KMT2C: variants seen among roughly 807,000 people sequenced by gnomAD.
KMT2C encodes the protein histone-lysine N-methyltransferase 2C.
Under a neutral mutation model 507.9 loss-of-function variants are expected in KMT2C, and 88 were observed. The ratio of observed to expected loss-of-function variants is 0.17; its 90% CI spans 0.15 to 0.21. The LOEUF (loss-of-function observed/expected upper bound fraction) is 0.21. Among genes scored for constraint, KMT2C ranks in the 10% least tolerant of loss-of-function variants. The pLI is 1.00. For synonymous variants in KMT2C, 2,049 were observed against 2,080.8 expected, an observed-to-expected ratio of 0.98 and a Z score of 0.42; for missense variants, 4,954 against 5,957.8, an observed-to-expected ratio of 0.83 and a Z score of 5.55.
At chr7:152,257,175 TA>T (rs2095674461) in intron 9 of KMT2C, among the ~76,000 whole-genome samples, 1 of 152,172 alleles carries the variant, frequency 6.6e-6, no homozygotes, top group African/African-American at 2.4e-5. Flanking sequence ...TGCAGCTGTT[TA>T]AAAGGAGAAT....
intron 2 of KMT2C, among the ~76,000 whole-genome samples, chr7:152,356,349 C>A (rs1042912586): frequency 6.6e-6 from 1 of 151,696 alleles, no homozygotes; most frequent in Non-Finnish European, 1.5e-5. Context: ...CCAAGGTGGG[C>A]GGATCACGTG....
Position 152,162,808 on chromosome 7 carries a change from A to G in KMT2C, c.10769T>C (p.Ile3590Thr). The change falls in exon 43 of 59, where the codon ATT (isoleucine) becomes ACT (threonine). Residue 3590 changes from isoleucine (I) to threonine (T), a missense_variant. This residue lies in a region of KMT2C where 801 missense variants were observed against 751.2 expected (regional missense o/e 1.07). Coordinates refer to ENST00000262189, the MANE Select transcript of KMT2C (RefSeq NM_170606.3). ...HSYPGSTQSL[I>T]QLYSDIIPEE... ...TGGGATTATATCAGAATACAACTGA[A>G]TGAGCGATTGGGTTGATCCCGGATA... is the stretch of plus-strand genomic sequence containing the variant. 1 of 1,614,180 alleles carries G rather than the reference A, an allele frequency of 6.2e-7. No individual in the cohort carries two copies.
At chr7:152,267,390 A>C (rs1307861842) in intron 7 of KMT2C, among the ~76,000 whole-genome samples, 4 of 152,238 alleles carry the variant, frequency 2.6e-5, no homozygotes, top group South Asian at 4.1e-4. Context: ...TCTCAAGAAT[A>C]GATAAAGGCA....
rs762784550 is a variant in KMT2C at position 152,187,805 on chromosome 7, G to A, written c.4703C>T (p.Ser1568Phe). ...RMPLMNGLIG[S>F]SPHLPHNSLP... ...AGAATTATGTGGGAGATGAGGACTGGATCCAATAAGGCCATTCATGAGAGG... is the reference window on the plus strand; with the variant it reads ...AGAATTATGTGGGAGATGAGGACTGAATCCAATAAGGCCATTCATGAGAGG... Residue 1568 changes from serine to phenylalanine, a missense_variant, in exon 32 of 59, where the codon TCC (serine) becomes TTC (phenylalanine). Ser to Phe is a radical substitution (Grantham distance 155). Transcript: ENST00000262189. The A allele has an allele frequency of 1.9e-6, 3 of 1,613,944 alleles. No homozygotes were observed. The highest frequency in any genetic ancestry group is 2.5e-6 in the Non-Finnish European group (3 of 1,179,892).
intron 1 of KMT2C, among the ~76,000 whole-genome samples, chr7:152,384,459 A>G (rs867731170): frequency 3.3e-5 from 5 of 151,994 alleles, no homozygotes; most frequent in Admixed American, 1.3e-4. Context: ...ACTGCTACTC[A>G]ACCTTCAAAA....
chr7:152,352,725 A>G (rs1162668559), intron 2 of KMT2C, among the ~76,000 whole-genome samples: 2 of 152,178 alleles, frequency 1.3e-5, no homozygotes, highest in African/African-American at 4.8e-5. Flanking sequence ...CCCTAATACT[A>G]TTCTCCACTA....
At chr7:152,265,385 T>C (rs570640471) in intron 7 of KMT2C, among the ~76,000 whole-genome samples, 176 bp from the exon 8 acceptor site, 4 of 152,358 alleles carry the variant, frequency 2.6e-5, no homozygotes, top group Admixed American at 6.5e-5. Flanking sequence ...GTAGGGTATT[T>C]AATCTAAATG....
chr7:152,375,868 C>G (rs1473953955), intron 1 of KMT2C, among the ~76,000 whole-genome samples: 5 of 151,958 alleles, frequency 3.3e-5, no homozygotes, highest in Non-Finnish European at 2.9e-5. Context: ...GTTCTGTCAC[C>G]CAGGCTGGAG....
chr7:152,297,057 G>GAAAGAC (rs756980169), intron 6 of KMT2C, among the ~76,000 whole-genome samples: 1,323 of 90,200 alleles, frequency 0.015, 4 homozygotes, highest in Admixed American at 0.021. Flanking sequence ...AAGAAAGACA[G>GAAAGAC]AGAGAGAGAG....
At chr7:152,145,697 A>G (rs199749857) in intron 53 of KMT2C, among the ~76,000 whole-genome samples, 2 of 152,174 alleles carry the variant, frequency 1.3e-5, no homozygotes, top group East Asian at 3.8e-4. Flanking sequence ...TCTGTCTGGA[A>G]TTTTACAATT....
chr7:152,226,466 A>C (rs1311948747), intron 18 of KMT2C, among the ~76,000 whole-genome samples: 1 of 152,054 alleles, frequency 6.6e-6, no homozygotes, highest in African/African-American at 2.4e-5. Context: ...TCCTGCCCTC[A>C]AGTGATCCAC....
intron 6 of KMT2C, among the ~76,000 whole-genome samples, chr7:152,301,490 A>C (rs2096567838): frequency 6.6e-6 from 1 of 152,002 alleles, no homozygotes; most frequent in Admixed American, 6.6e-5. Flanking sequence ...GCCCGCTGAC[A>C]GTGTGAGACT....
In KMT2C at chr7:152,234,195, T is replaced by C. The variant is rs1457787507; in HGVS notation, c.2769+1622A>G. Among the ~76,000 whole-genome samples the C allele has an allele frequency of 2.0e-5, 3 of 151,530 alleles. No homozygotes were observed. In the South Asian group the frequency reaches 6.3e-4, roughly 32 times the overall value. On this transcript the variant is annotated intron_variant, in intron 16 of 58. Transcript: ENST00000262189. Reference sequence around the variant, plus strand: ...GAGTTCGAGACCAGCCTGGCCAACATGGTGAAAAACTGTCTCTACTAAAAA... The same window carrying C: ...GAGTTCGAGACCAGCCTGGCCAACACGGTGAAAAACTGTCTCTACTAAAAA...
At chr7:152,380,494 G>A (rs1317293435) in intron 1 of KMT2C, among the ~76,000 whole-genome samples, 2 of 151,830 alleles carry the variant, frequency 1.3e-5, no homozygotes, top group Non-Finnish European at 2.9e-5. Context: ...CTTGAACCCG[G>A]GAGGCAGAGG....
intron 6 of KMT2C, among the ~76,000 whole-genome samples, chr7:152,303,192 A>G (rs1429019486): frequency 6.6e-6 from 1 of 152,240 alleles, no homozygotes; most frequent in South Asian, 2.1e-4. Context: ...AATCTGAGGT[A>G]TGTTTCAGAG....
chr7:152,204,235 T>C (rs1032562259), intron 25 of KMT2C, among the ~76,000 whole-genome samples: 3 of 151,768 alleles, frequency 2.0e-5, no homozygotes, highest in African/African-American at 7.3e-5. Flanking sequence ...GAGGTGAAGG[T>C]TGCAGTGAGC....
intron 1 of KMT2C, among the ~76,000 whole-genome samples, chr7:152,385,504 T>C (rs1333989534): frequency 7.8e-6 from 1 of 127,790 alleles, no homozygotes; most frequent in Non-Finnish European, 1.5e-5. Context: ...CCCAGCTCCT[T>C]GGGAGGCTGA....
intron 7 of KMT2C, among the ~76,000 whole-genome samples, chr7:152,270,793 T>C (rs2095950365): frequency 6.6e-6 from 1 of 152,208 alleles, no homozygotes; most frequent in Admixed American, 6.5e-5. Flanking sequence ...GAAAATAATG[T>C]TGCAACAATG....
chr7:152,388,639 G>T (rs2097457153), intron 1 of KMT2C, among the ~76,000 whole-genome samples: 1 of 152,312 alleles, frequency 6.6e-6, no homozygotes, highest in Non-Finnish European at 1.5e-5. Context: ...GTGAAACTGA[G>T]TTCTAACCTG....
Sources: gnomAD v4.1 joint callset for allele counts (sites outside exome capture counted in the v4.1 genomes callset) on GRCh38, gnomAD v4.1.1 for gene constraint, gnomAD v4.1.1 regional missense constraint, MANE v1.5 for transcripts, NCBI Gene and HGNC (gene_info 2026-07-23, HGNC 2026-07-21) for gene names.